MNAT1: variants seen among roughly 807,000 people sequenced by gnomAD.
MNAT1 encodes MNAT1 component of CDK activating kinase.
MNAT1 carries 43 observed loss-of-function variants against 42.0 expected under a neutral mutation model. That is an observed-to-expected ratio of 1.02 (90% CI 0.80 to 1.32). The LOEUF is 1.32. Ranked by LOEUF, MNAT1 falls within the 40% of genes most tolerant of loss-of-function variation. The probability of loss-of-function intolerance (pLI) is 0.00; values close to 1 mark genes in which losing one functional copy is unlikely to be tolerated. For synonymous variants in MNAT1, 118 were observed against 120.0 expected (o/e 0.98, Z 0.11); for missense variants, 306 against 350.4 (o/e 0.87, Z 1.01).
At chr14:60,792,009 C>T (rs2031837887) in intron 1 of MNAT1, among the ~76,000 whole-genome samples, 1 of 152,012 alleles carries the variant, frequency 6.6e-6, no homozygotes, top group Non-Finnish European at 1.5e-5. Flanking sequence ...AGTTGAAAAC[C>T]CTAACCATCA....
At chr14:60,770,399 A>G (rs1211417855) in intron 1 of MNAT1, among the ~76,000 whole-genome samples, 1 of 152,178 alleles carries the variant, frequency 6.6e-6, no homozygotes, top group African/African-American at 2.4e-5. Flanking sequence ...GTATGCAAAT[A>G]TCTCTTTGAG....
At chr14:60,782,008 TC>T (rs1292265418) in intron 1 of MNAT1, among the ~76,000 whole-genome samples, 1 of 151,298 alleles carries the variant, frequency 6.6e-6, no homozygotes, top group Non-Finnish European at 1.5e-5. Flanking sequence ...GTATACTTGT[TC>T]CTTACAGTGT....
intron 7 of MNAT1, among the ~76,000 whole-genome samples, chr14:60,931,747 A>G (rs907808718): frequency 1.5e-4 from 23 of 151,922 alleles, no homozygotes; most frequent in Admixed American, 5.2e-4. Flanking sequence ...ATATATATAT[A>G]TGTGTGTATA....
intron 4 of MNAT1, 106 bp from the exon 5 acceptor site, chr14:60,811,881 T>A: frequency 1.4e-6 from 1 of 729,320 alleles, no homozygotes; most frequent in Non-Finnish European, 2.1e-6. Context: ...AAATAATAAG[T>A]GACTAGTGTG....
intron 6 of MNAT1, among the ~76,000 whole-genome samples, chr14:60,829,816 A>G (rs1022197820): frequency 2.0e-5 from 3 of 152,234 alleles, no homozygotes; most frequent in Non-Finnish European, 2.9e-5. Flanking sequence ...ATTTTCCTAC[A>G]AAGTATTCTA....
rs912065181 is a variant in MNAT1 at position 60,740,353 on chromosome 14, T to C, written c.89+5402T>C. On this transcript the variant is annotated intron_variant, in intron 1 of 7. Transcript: ENST00000261245. This position sits in a 1 kb window ranked among gnomAD's most constrained non-coding sequence, Gnocchi z 4.1. ...CTTTCTCTTTCTTTTTTTCCCTTTT[T>C]TTTCTGTTCTCCTATTTCTCTCTCA... is the stretch of plus-strand genomic sequence containing the variant. Among the ~76,000 whole-genome samples the C allele has an allele frequency of 6.6e-6, 1 of 152,212 alleles. No homozygotes were observed. Among genetic ancestry groups the C allele is most frequent in the African/African-American group, 2.4e-5 (1 of 41,460 alleles).
chr14:60,886,362 C>T lies in MNAT1; in HGVS notation c.809+6527C>T, dbSNP rs116012908. Among the ~76,000 whole-genome samples, 787 of 152,044 alleles carry T rather than the reference C, an allele frequency of 5.2e-3. 14 individuals are homozygous for T. Among genetic ancestry groups the T allele is most frequent in the African/African-American group, 0.018 (738 of 41,510 alleles). On this transcript the variant is annotated intron_variant, in intron 7 of 7. Coordinates refer to ENST00000261245, the MANE Select transcript of MNAT1 (RefSeq NM_002431.4). ...GTATGGACATTTTAACAATATTCCT[C>T]TATTCTTACGGACATGGGATTTGTT...
At chr14:60,924,383 T>TAAA (rs5809071) in intron 7 of MNAT1, among the ~76,000 whole-genome samples, 1 of 130,244 alleles carries the variant, frequency 7.7e-6, no homozygotes, top group African/African-American at 2.8e-5. Flanking sequence ...AGTGCCTGTT[T>TAAA]AAAAAAAAAA....
chr14:60,952,639 C>T (rs751043305), intron 7 of MNAT1, among the ~76,000 whole-genome samples: 21 of 151,992 alleles, frequency 1.4e-4, no homozygotes, highest in Non-Finnish European at 2.5e-4. Context: ...ACAGACAGAG[C>T]GTTAGGTTTG....
In MNAT1 at chr14:60,846,888, C is replaced by G. The variant is rs2033696097; in HGVS notation, c.687+28041C>G. 3.3e-5 allele frequency among the ~76,000 whole-genome samples: 5 copies of G among 152,130 alleles called. 1 individual carries two copies. The South Asian group carries it at 1.0e-3, about 32-fold the overall frequency. The stretch of plus-strand genomic sequence containing the variant: ...TGGTTATGTTGAAGTCTTCTGTGTC[C>G]TTACAGATTTTCTGTCTAGTTTGTC... On this transcript the variant is annotated intron_variant, in intron 6 of 7. Coordinates refer to ENST00000261245, the MANE Select transcript of MNAT1 (RefSeq NM_002431.4).
intron 1 of MNAT1, among the ~76,000 whole-genome samples, chr14:60,753,298 T>C (rs994550935): frequency 6.6e-6 from 1 of 152,042 alleles, no homozygotes; most frequent in African/African-American, 2.4e-5. Context: ...ACAACATGAG[T>C]TTGAAGTGTG....
At chr14:60,881,968 T>C (rs1178807364) in intron 7 of MNAT1, among the ~76,000 whole-genome samples, 1 of 152,086 alleles carries the variant, frequency 6.6e-6, no homozygotes, top group Admixed American at 6.6e-5. Context: ...GAGGCAAGCC[T>C]GGCCAACATG....
intron 7 of MNAT1, among the ~76,000 whole-genome samples, chr14:60,917,747 C>A (rs950790657): frequency 6.6e-6 from 1 of 151,690 alleles, no homozygotes; most frequent in African/African-American, 2.4e-5. Context: ...CTCAGCCTTC[C>A]AAGTAGCTGG....
intron 7 of MNAT1, among the ~76,000 whole-genome samples, chr14:60,888,740 T>G (rs1346819819): frequency 1.5e-5 from 2 of 134,162 alleles, no homozygotes; most frequent in African/African-American, 5.5e-5. Context: ...GATAAGCAAC[T>G]TCAGCAAAGT....
intron 7 of MNAT1, among the ~76,000 whole-genome samples, chr14:60,885,273 C>T (rs867897724): frequency 7.9e-5 from 12 of 151,638 alleles, no homozygotes; most frequent in Admixed American, 3.3e-4. Flanking sequence ...TATGAATAAA[C>T]GTTCTACCCT....
intron 7 of MNAT1, among the ~76,000 whole-genome samples, chr14:60,918,547 C>A (rs1218580718): frequency 6.6e-6 from 1 of 151,442 alleles, no homozygotes; most frequent in Non-Finnish European, 1.5e-5. Flanking sequence ...TTCCAAATAC[C>A]TTTATGTGGA....
At position 60,798,113 on chromosome 14, in the gene MNAT1, C is replaced by G. The variant is rs1367262962; in HGVS notation, c.269C>G (p.Pro90Arg). The G allele has an allele frequency of 6.6e-7, 1 of 1,508,304 alleles. No individual in the cohort carries two copies. The highest frequency in any genetic ancestry group is 1.4e-5 in the African/African-American group (1 of 72,478). 93.4% of individuals were successfully genotyped at this position (1,508,304 alleles called of 1,614,324 possible). A position where few individuals can be genotyped will look rare whatever the true frequency, so the allele number is the denominator to read the frequency against. The change falls in exon 3 of 8, where the codon CCT becomes CGT. Residue 90 changes from proline to arginine, a missense_variant. Pro to Arg is a moderately radical substitution (Grantham distance 103). Around this residue, in one of 3 missense-constraint regions of MNAT1, gnomAD observed 72 missense variants for 111.0 expected, o/e 0.65. Coordinates refer to ENST00000261245, the MANE Select transcript of MNAT1 (RefSeq NM_002431.4). ...TACAATAAAAGGGAAGAAGATTTTC[C>G]TAGTCTAAGAGAATACAATGATTTC... ...KIYNKREEDF[P>R]SLREYNDFLE...
At chr14:60,792,907 G>GA (rs1221599876) in intron 1 of MNAT1, among the ~76,000 whole-genome samples, 1 of 152,072 alleles carries the variant, frequency 6.6e-6, no homozygotes, top group East Asian at 1.9e-4. Flanking sequence ...AGTTTTATTT[G>GA]AAAAAATTCC....
At chr14:60,764,944 G>T (rs947079073) in intron 1 of MNAT1, among the ~76,000 whole-genome samples, 2 of 152,156 alleles carry the variant, frequency 1.3e-5, no homozygotes, top group Middle Eastern at 3.4e-3. Context: ...CAGTTCAGAA[G>T]GTTGTGACCA....
Sources: allele counts gnomAD v4.1 joint callset (sites outside exome capture counted in the v4.1 genomes callset), GRCh38; gene constraint gnomAD v4.1.1; regional missense constraint gnomAD v4.1.1; non-coding constraint Gnocchi (gnomAD v3.1); transcripts MANE v1.5; gene names NCBI Gene and HGNC (gene_info 2026-07-23, HGNC 2026-07-21).